Variants in TAFA1 observed in about 807,000 individuals in gnomAD.
TAFA1 encodes the protein TAFA chemokine like family member 1, also known as chemokine-like protein TAFA-1.
In TAFA1, 4 loss-of-function variants were observed where a neutral mutation model predicts 18.5. The ratio of observed to expected loss-of-function variants is 0.22; its 90% CI spans 0.11 to 0.49. The LOEUF (loss-of-function observed/expected upper bound fraction) is 0.49, where lower values mean the gene tolerates loss of function less well. Ranked by LOEUF, TAFA1 falls within the 20% of genes least tolerant of loss-of-function variation. The pLI is 0.98. For synonymous variants in TAFA1, 56 were observed against 55.2 expected, an observed-to-expected ratio of 1.01 and a Z score of -0.06; for missense variants, 147 against 169.0, an observed-to-expected ratio of 0.87 and a Z score of 0.72.
At chr3:68,288,269 C>T (rs2068050045) in intron 2 of TAFA1, among the ~76,000 whole-genome samples, 1 of 152,160 alleles carries the variant, frequency 6.6e-6, no homozygotes, top group Non-Finnish European at 1.5e-5. Context: ...CACGTGGATC[C>T]CTGACATTGC....
intron 3 of TAFA1, among the ~76,000 whole-genome samples, chr3:68,444,087 C>CT (rs879483403): frequency 4.6e-5 from 7 of 152,130 alleles, no homozygotes; most frequent in Non-Finnish European, 1.0e-4. Context: ...GACAGGTTTT[C>CT]TTTTTCATCA....
intron 3 of TAFA1, among the ~76,000 whole-genome samples, chr3:68,526,861 GAA>G (rs539962780): frequency 6.6e-6 from 1 of 151,282 alleles, no homozygotes; most frequent in African/African-American, 2.4e-5. Context: ...TTCAGAATTA[GAA>G]AAAAAATAAA....
intron 2 of TAFA1, among the ~76,000 whole-genome samples, chr3:68,281,826 T>C (rs996013388): frequency 6.6e-6 from 1 of 152,150 alleles, no homozygotes; most frequent in Non-Finnish European, 1.5e-5. Context: ...CATTATTCAC[T>C]TTTTTGACTT....
chr3:68,245,774 TC>T (rs2067065996), intron 2 of TAFA1, among the ~76,000 whole-genome samples: 1 of 152,208 alleles, frequency 6.6e-6, no homozygotes. Flanking sequence ...CAAGTACAGA[TC>T]ACAAAGGAAA....
chr3:68,272,334 C>T (rs573833541), intron 2 of TAFA1, among the ~76,000 whole-genome samples: 1 of 152,244 alleles, frequency 6.6e-6, no homozygotes, highest in Non-Finnish European at 1.5e-5. Context: ...ACATTACCTG[C>T]TTAGCTTGTC....
chr3:68,262,307 G>GTATATATATA (rs763753757), intron 2 of TAFA1, among the ~76,000 whole-genome samples: 2 of 32,254 alleles, frequency 6.2e-5, no homozygotes, highest in African/African-American at 9.6e-5. Context: ...GATATGGAGG[G>GTATATATATA]TATATATATA....
chr3:68,138,172 T>A (rs2065630059), intron 2 of TAFA1, among the ~76,000 whole-genome samples: 1 of 152,184 alleles, frequency 6.6e-6, no homozygotes, highest in Non-Finnish European at 1.5e-5. Context: ...TGAATATCCA[T>A]GTTTTCCCCC....
At chr3:68,302,399 C>T (rs936038193) in intron 2 of TAFA1, among the ~76,000 whole-genome samples, 4 of 152,110 alleles carry the variant, frequency 2.6e-5, no homozygotes, top group Admixed American at 2.0e-4. Context: ...CTCTCTCATT[C>T]GAATTTATTA....
At chr3:68,397,459 G>A (rs1249254410) in intron 2 of TAFA1, among the ~76,000 whole-genome samples, 2 of 152,092 alleles carry the variant, frequency 1.3e-5, no homozygotes, top group African/African-American at 4.8e-5. Context: ...ATGGTTTCCA[G>A]CTTCATCCAT....
chr3:68,271,790 C>G (rs9865564), intron 2 of TAFA1, among the ~76,000 whole-genome samples: 13,016 of 151,792 alleles, frequency 0.086, 673 homozygotes, highest in African/African-American at 0.14. Flanking sequence ...ATTTTTCTCT[C>G]CCTGTCTCTT....
chr3:68,114,909 T>C (rs1385098666), intron 2 of TAFA1, among the ~76,000 whole-genome samples: 1 of 152,266 alleles, frequency 6.6e-6, no homozygotes, highest in Middle Eastern at 3.4e-3. Context: ...ATGGTGAATA[T>C]TGGGCAACAG....
the TAFA1 span, among the ~76,000 whole-genome samples, chr3:67,992,037 G>A: frequency 6.6e-6 from 1 of 152,152 alleles, no homozygotes; most frequent in Non-Finnish European, 1.5e-5. Context: ...GTTTAGGAAT[G>A]GTTAAATGAT....
At chr3:68,277,335 C>T (rs1330949155) in intron 2 of TAFA1, among the ~76,000 whole-genome samples, 1 of 152,064 alleles carries the variant, frequency 6.6e-6, no homozygotes, top group Non-Finnish European at 1.5e-5. Context: ...TCAACCAGGG[C>T]TGATGCTCTG....
chr3:68,459,150 T>C (rs1359554838), intron 3 of TAFA1, among the ~76,000 whole-genome samples: 1 of 152,154 alleles, frequency 6.6e-6, no homozygotes, highest in Non-Finnish European at 1.5e-5. Flanking sequence ...GGGGGTACCA[T>C]TTTGGGCAAG....
At chr3:68,026,215 T>A (rs1274398931) in intron 2 of TAFA1, among the ~76,000 whole-genome samples, 1 of 151,864 alleles carries the variant, frequency 6.6e-6, no homozygotes, top group Non-Finnish European at 1.5e-5. Context: ...GACTCTCTGG[T>A]CATGGGAGTG....
intron 2 of TAFA1, among the ~76,000 whole-genome samples, chr3:68,137,772 C>G (rs1256223684): frequency 2.0e-5 from 3 of 152,126 alleles, no homozygotes; most frequent in Admixed American, 2.0e-4. Flanking sequence ...CCAGATAGGT[C>G]ATCTTCACGT....
At chr3:68,279,891 C>A (rs1266500003) in intron 2 of TAFA1, among the ~76,000 whole-genome samples, 2 of 152,064 alleles carry the variant, frequency 1.3e-5, no homozygotes, top group African/African-American at 4.8e-5. Context: ...GGAGAAATTT[C>A]AATTTGTAGC....
intron 3 of TAFA1, among the ~76,000 whole-genome samples, chr3:68,467,914 T>C (rs574352156): frequency 1.6e-4 from 25 of 152,200 alleles, no homozygotes; most frequent in Non-Finnish European, 3.4e-4. Flanking sequence ...TGACAGAATC[T>C]TTTTCAGTAA....
intron 2 of TAFA1, among the ~76,000 whole-genome samples, chr3:68,294,038 C>CA (rs2068163054): frequency 6.6e-6 from 1 of 152,186 alleles, no homozygotes; most frequent in Non-Finnish European, 1.5e-5. Flanking sequence ...AACATACTCT[C>CA]AGCAGTTAAA....
Sources: allele counts gnomAD v4.1 joint callset (sites outside exome capture counted in the v4.1 genomes callset), GRCh38; gene constraint gnomAD v4.1.1; transcripts MANE v1.5; gene names NCBI Gene and HGNC (gene_info 2026-07-23, HGNC 2026-07-21).